Variants in CNTNAP4 observed in about 807,000 individuals in gnomAD.
CNTNAP4 encodes contactin associated protein family member 4, also known as contactin-associated protein-like 4.
A neutral mutation model predicts 148.4 loss-of-function variants in CNTNAP4; 98 were observed. That is an observed-to-expected ratio of 0.66 (90% CI 0.56 to 0.78). CNTNAP4 has a LOEUF of 0.78. CNTNAP4 is among the 30% of genes least tolerant of loss of function. CNTNAP4 has a pLI of 0.00. For missense variants in CNTNAP4, 1,935 were observed against 1,565.6 expected, an observed-to-expected ratio of 1.24 and a Z score of -3.98; for synonymous variants, 730 against 565.1, an observed-to-expected ratio of 1.29 and a Z score of -4.14.
chr16:76,314,680 A>G (rs985298895), intron 1 of CNTNAP4, among the ~76,000 whole-genome samples: 1 of 152,172 alleles, frequency 6.6e-6, no homozygotes, highest in African/African-American at 2.4e-5. Flanking sequence ...CTTAACCATA[A>G]GCATCTGGAG....
intron 3 of CNTNAP4, among the ~76,000 whole-genome samples, chr16:76,380,763 A>T (rs2015887798): frequency 1.3e-5 from 2 of 152,148 alleles, no homozygotes; most frequent in African/African-American, 2.4e-5. Context: ...ATCCATAAAT[A>T]TTTAAAGGTT....
chr16:76,465,672 A>T (rs564910618), intron 9 of CNTNAP4, among the ~76,000 whole-genome samples: 25 of 152,336 alleles, frequency 1.6e-4, no homozygotes, highest in African/African-American at 5.8e-4. Context: ...CTAATAAGTC[A>T]TTCAGAATAC....
At chr16:76,278,057 C>T (rs898317801) in intron 1 of CNTNAP4, among the ~76,000 whole-genome samples, 4 of 152,090 alleles carry the variant, frequency 2.6e-5, no homozygotes, top group Non-Finnish European at 4.4e-5. Context: ...GGGGGAATAG[C>T]CTGTGAATAT....
chr16:76,306,761 A>G (rs1399025868), intron 1 of CNTNAP4, among the ~76,000 whole-genome samples: 2 of 152,140 alleles, frequency 1.3e-5, no homozygotes, highest in African/African-American at 4.8e-5. Flanking sequence ...GCTTAATGGT[A>G]TTGGGAGGTA....
In CNTNAP4 at chr16:76,462,258, G is replaced by A. The variant is rs780005738; in HGVS notation, c.1483+153G>A. ...ACGGACATTTTGGGTGGATCAAGTC[G>A]AAAAATTCTGACCTGAAATGCATTT... is the stretch of plus-strand genomic sequence containing the variant. On this transcript the variant is annotated intron_variant, in intron 9 of 23. Coordinates refer to ENST00000611870, the MANE Select transcript of CNTNAP4 (RefSeq NM_033401.5). Among the ~76,000 whole-genome samples, 6 of 152,126 alleles carry A rather than the reference G, an allele frequency of 3.9e-5. No individual in the cohort carries two copies. The South Asian group carries it at 6.2e-4, about 16-fold the overall frequency.
chr16:76,556,972 T>G (rs1279065263), intron 23 of CNTNAP4, among the ~76,000 whole-genome samples: 1 of 152,216 alleles, frequency 6.6e-6, no homozygotes, highest in Non-Finnish European at 1.5e-5. Flanking sequence ...CTTCAAATCT[T>G]TGACTTCCTC....
chr16:76,404,741 T>C (rs1308724751), intron 3 of CNTNAP4, among the ~76,000 whole-genome samples: 3 of 152,132 alleles, frequency 2.0e-5, no homozygotes, highest in Non-Finnish European at 4.4e-5. Context: ...AATACAAAAA[T>C]TGTGAATGTA....
intron 23 of CNTNAP4, among the ~76,000 whole-genome samples, chr16:76,555,016 G>T (rs895610832): frequency 6.6e-6 from 1 of 151,560 alleles, no homozygotes; most frequent in Non-Finnish European, 1.5e-5. Context: ...CTTTAAAATT[G>T]TATCTCCCTG....
At chr16:76,435,813 T>A (rs1597529047) in intron 4 of CNTNAP4, among the ~76,000 whole-genome samples, 1 of 152,244 alleles carries the variant, frequency 6.6e-6, no homozygotes, top group East Asian at 1.9e-4. Flanking sequence ...GAACCTTTTT[T>A]AAAACTCCCT....
chr16:76,345,512 A>G (rs1043538269), intron 2 of CNTNAP4, among the ~76,000 whole-genome samples: 3 of 152,202 alleles, frequency 2.0e-5, no homozygotes, highest in African/African-American at 4.8e-5. Context: ...CATTGAAACA[A>G]TTCCGTTGAA....
intron 19 of CNTNAP4, 70 bp downstream of exon 19, chr16:76,538,410 C>T: frequency 8.5e-7 from 1 of 1,181,860 alleles, no homozygotes; most frequent in Non-Finnish European, 1.2e-6. Context: ...ATGGATCATT[C>T]TCGTGTTCTG....
Position 76,310,588 on chromosome 16 carries a change from C to G in CNTNAP4, c.86-5825C>G, listed in dbSNP as rs559585436. Among the ~76,000 whole-genome samples the G allele has an allele frequency of 3.3e-5, 5 of 152,252 alleles. No homozygotes were observed. In the East Asian group the frequency reaches 9.7e-4, roughly 29 times the overall value. ...TTCCAAAGCTTCCTGTCAAAGGTCT[C>G]ACCCTGCCTCTGGTGTATGAGGATT... On this transcript the variant is annotated intron_variant, in intron 1 of 23. Transcript: ENST00000611870.
chr16:76,483,531 G>A (rs763394658), intron 12 of CNTNAP4, among the ~76,000 whole-genome samples: 3 of 152,262 alleles, frequency 2.0e-5, no homozygotes, highest in Non-Finnish European at 2.9e-5. Flanking sequence ...TGTAGCTCAC[G>A]CCTGAGCAAA....
chr16:76,321,251 A>G (rs1962374872), intron 2 of CNTNAP4, among the ~76,000 whole-genome samples: 1 of 152,238 alleles, frequency 6.6e-6, no homozygotes, highest in African/African-American at 2.4e-5. Context: ...TGACAGAGAT[A>G]ACTCCCATTC....
intron 6 of CNTNAP4, 37 bp downstream of exon 6, chr16:76,448,988 T>A: frequency 6.4e-7 from 1 of 1,570,104 alleles, no homozygotes; most frequent in Non-Finnish European, 8.7e-7. Context: ...CTGATTTTAT[T>A]ATGTATATGT....
At chr16:76,366,855 A>G (rs981318878) in intron 3 of CNTNAP4, among the ~76,000 whole-genome samples, 1 of 152,196 alleles carries the variant, frequency 6.6e-6, no homozygotes, top group Non-Finnish European at 1.5e-5. Flanking sequence ...GACATAGAAG[A>G]ACACTTGATT....
intron 16 of CNTNAP4, 32 bp from the exon 17 acceptor site, chr16:76,522,007 A>G: frequency 6.2e-7 from 1 of 1,603,356 alleles, no homozygotes; most frequent in South Asian, 1.1e-5. Context: ...ATAGGAACTC[A>G]CTAGAACAAT....
chr16:76,338,198 A>G (rs1352921783), intron 2 of CNTNAP4, among the ~76,000 whole-genome samples: 2 of 152,216 alleles, frequency 1.3e-5, no homozygotes, highest in African/African-American at 2.4e-5. Flanking sequence ...AAGGACAGGC[A>G]TAAGAAATTA....
chr16:76,341,830 C>T (rs775967506), intron 2 of CNTNAP4, among the ~76,000 whole-genome samples: 12 of 151,838 alleles, frequency 7.9e-5, no homozygotes, highest in Admixed American at 2.0e-4. Flanking sequence ...AGCTTTTTAG[C>T]GAAAGTAAAG....
Sources: allele counts gnomAD v4.1 joint callset (sites outside exome capture counted in the v4.1 genomes callset), GRCh38; gene constraint gnomAD v4.1.1; transcripts MANE v1.5; gene names NCBI Gene and HGNC (gene_info 2026-07-23, HGNC 2026-07-21).